Variants in TSG101 observed in about 807,000 individuals in gnomAD.
TSG101 encodes tumor susceptibility 101.
In TSG101, 19 loss-of-function variants were observed where a neutral mutation model predicts 48.5. The observed-to-expected ratio is 0.39, with a 90% confidence interval of 0.27 to 0.58. The LOEUF (loss-of-function observed/expected upper bound fraction) is 0.58, where lower values mean the gene tolerates loss of function less well. Ranked by LOEUF, TSG101 falls within the 20% of genes least tolerant of loss-of-function variation. The probability of loss-of-function intolerance (pLI) is 0.55; values close to 1 mark genes in which losing one functional copy is unlikely to be tolerated. For missense variants in TSG101, 365 were observed against 484.4 expected (o/e 0.75, Z 2.31); for synonymous variants, 174 against 169.4 (o/e 1.03, Z -0.21).
intron 1 of TSG101, 34 bp downstream of exon 1, chr11:18,526,741 C>A: frequency 6.3e-7 from 1 of 1,594,036 alleles, no homozygotes. Flanking sequence ...GAGCGGTGGG[C>A]GCGCCCTGGG....
chr11:18,526,759 C>T lies in TSG101; in HGVS notation c.42+16G>A, dbSNP rs1367570389. The T allele has an allele frequency of 4.4e-6, 7 of 1,599,450 alleles. No homozygotes were observed. In the Admixed American group the frequency reaches 1.2e-4, roughly 27 times the overall value. On this transcript the variant is annotated intron_variant, in intron 1 of 9. Transcript: ENST00000251968. Reference sequence around the variant, plus strand: ...CGGTGGGCGCGCCCTGGGAGGCGAGCGCGTCGCAGCCTCACCTTGGACACC... The same window carrying T: ...CGGTGGGCGCGCCCTGGGAGGCGAGTGCGTCGCAGCCTCACCTTGGACACC...
At chr11:18,496,485 A>AATAAG (rs1849783812) in intron 7 of TSG101, among the ~76,000 whole-genome samples, 1 of 141,412 alleles carries the variant, frequency 7.1e-6, no homozygotes, top group African/African-American at 2.6e-5. Flanking sequence ...AATAAAATAA[A>AATAAG]ATAAAATAAA....
chr11:18,521,917 A>T (rs1053127414), intron 1 of TSG101, among the ~76,000 whole-genome samples: 4 of 152,074 alleles, frequency 2.6e-5, no homozygotes, highest in Non-Finnish European at 5.9e-5. Context: ...GACTCAAGCA[A>T]TCTGTCCACC....
chr11:18,522,171 A>G (rs1440060755), intron 1 of TSG101, among the ~76,000 whole-genome samples: 1 of 152,162 alleles, frequency 6.6e-6, no homozygotes, highest in Non-Finnish European at 1.5e-5. Flanking sequence ...ATGGTTGAAA[A>G]TTAATTTATA....
At chr11:18,516,796 C>T (rs892515126) in intron 2 of TSG101, among the ~76,000 whole-genome samples, 10 of 151,410 alleles carry the variant, frequency 6.6e-5, no homozygotes, top group African/African-American at 2.4e-4. Context: ...ACAAAATTAG[C>T]TGGGCGTGGT....
chr11:18,482,169 T>C (rs1023819153), intron 8 of TSG101, among the ~76,000 whole-genome samples: 3 of 152,212 alleles, frequency 2.0e-5, no homozygotes, highest in African/African-American at 7.2e-5. Flanking sequence ...CAAGATACTT[T>C]CCAGCAGAAG....
rs1427674950 is a variant in TSG101, at chr11:18,496,877, G to C, written c.640+5609C>G. ...GGGTTGAGGCAGGTGGTGAGGTCAG[G>C]AGTTGCAGTTGGAGATCAGCCTGGC... On this transcript the variant is annotated intron_variant, in intron 7 of 9. Coordinates refer to ENST00000251968, the MANE Select transcript of TSG101 (RefSeq NM_006292.4). Among the ~76,000 whole-genome samples the C allele has an allele frequency of 3.3e-5, 5 of 152,148 alleles. No individual in the cohort carries two copies. The South Asian group carries it at 8.3e-4, about 25-fold the overall frequency.
chr11:18,523,301 A>G (rs1273380530), intron 1 of TSG101, among the ~76,000 whole-genome samples: 2 of 152,048 alleles, frequency 1.3e-5, no homozygotes, highest in Non-Finnish European at 2.9e-5. Context: ...ACACCCTAGC[A>G]TTCCCCATTT....
intron 6 of TSG101, among the ~76,000 whole-genome samples, chr11:18,504,819 A>T (rs1849942851): frequency 6.6e-6 from 1 of 152,208 alleles, no homozygotes; most frequent in African/African-American, 2.4e-5. Context: ...GCAATTGTTC[A>T]GTAGCCTTGT....
intron 7 of TSG101, among the ~76,000 whole-genome samples, chr11:18,494,314 T>C (rs982985256): frequency 6.6e-6 from 1 of 152,126 alleles, no homozygotes; most frequent in Non-Finnish European, 1.5e-5. Context: ...CTTAAAAAAA[T>C]GAATCAGAAT....
chr11:18,514,743 T>C lies in TSG101; in HGVS notation c.292A>G (p.Lys98Glu). Residue 98 changes from lysine to glutamate, a missense_variant, in exon 4 of 10, where the codon AAA becomes GAA. Coordinates refer to ENST00000251968, the MANE Select transcript of TSG101 (RefSeq NM_006292.4). ...FVKPTSSMTI[K>E]TGKHVDANGK... ...TTTGCATCAACATGCTTTCCTGTTT[T>C]AATAGTCATTGAACTAGTAGGCTTA... 6.3e-7 allele frequency: 1 copy of C among 1,597,412 alleles called. No homozygotes were observed. The highest frequency in any genetic ancestry group is 1.8e-5 in the Admixed American group (1 of 55,716).
intron 7 of TSG101, among the ~76,000 whole-genome samples, chr11:18,491,296 G>C (rs550293610): frequency 1.1e-4 from 15 of 141,906 alleles, no homozygotes; most frequent in Non-Finnish European, 2.1e-4. Context: ...TGTGATTTAT[G>C]GGGGGGTCTG....
At chr11:18,497,104 A>C (rs560429963) in intron 7 of TSG101, among the ~76,000 whole-genome samples, 1 of 150,480 alleles carries the variant, frequency 6.6e-6, no homozygotes, top group East Asian at 1.9e-4. Flanking sequence ...CAACAACAAC[A>C]AAAAAAACAA....
chr11:18,502,771 A>T (rs946891602), intron 6 of TSG101, among the ~76,000 whole-genome samples, 194 bp from the exon 7 acceptor site: 1 of 152,242 alleles, frequency 6.6e-6, no homozygotes, highest in African/African-American at 2.4e-5. Flanking sequence ...ATTTACTCTT[A>T]AATGGCTAAA....
At chr11:18,483,738 C>T in intron 8 of TSG101, 132 bp downstream of exon 8, 2 of 923,630 alleles carry the variant, frequency 2.2e-6, no homozygotes, top group Non-Finnish European at 3.3e-6. Flanking sequence ...TAAAAAATTA[C>T]ATTCAAATGT....
chr11:18,499,567 C>A (rs1438867874), intron 7 of TSG101, among the ~76,000 whole-genome samples: 1 of 148,858 alleles, frequency 6.7e-6, no homozygotes, highest in Admixed American at 6.9e-5. Context: ...TGCGCCACCA[C>A]GCCCGGCTAA....
At chr11:18,526,137 G>GAAAA (rs34165683) in intron 1 of TSG101, among the ~76,000 whole-genome samples, 1 of 144,196 alleles carries the variant, frequency 6.9e-6, no homozygotes, top group Non-Finnish European at 1.5e-5. Flanking sequence ...TTTAAAAATT[G>GAAAA]AAAAAAAAAA....
intron 2 of TSG101, among the ~76,000 whole-genome samples, chr11:18,517,548 C>T (rs890333974): frequency 6.6e-6 from 1 of 152,204 alleles, no homozygotes; most frequent in Non-Finnish European, 1.5e-5. Context: ...CACATAAGAA[C>T]ACTGGTCCCA....
intron 2 of TSG101, among the ~76,000 whole-genome samples, chr11:18,516,397 T>C (rs908966594): frequency 6.6e-6 from 1 of 151,468 alleles, no homozygotes; most frequent in Non-Finnish European, 1.5e-5. Context: ...CAGGATGGAG[T>C]GCAATGGCGC....
Sources: gnomAD v4.1 joint callset for allele counts (sites outside exome capture counted in the v4.1 genomes callset) on GRCh38, gnomAD v4.1.1 for gene constraint, MANE v1.5 for transcripts, NCBI Gene and HGNC (gene_info 2026-07-23, HGNC 2026-07-21) for gene names.